Variants in KANSL1 observed in about 807,000 individuals in gnomAD.
KANSL1 encodes MLL1/MLL complex subunit KANSL1.
Under a neutral mutation model 103.6 loss-of-function variants are expected in KANSL1, and 22 were observed. That is an observed-to-expected ratio of 0.21 (90% CI 0.15 to 0.30). KANSL1 has a LOEUF of 0.30. Ranked by LOEUF, KANSL1 falls within the 10% of genes least tolerant of loss-of-function variation. KANSL1 has a pLI of 1.00. For missense variants in KANSL1, 1,337 were observed against 1,399.8 expected, an observed-to-expected ratio of 0.96 and a Z score of 0.72; for synonymous variants, 600 against 527.6, an observed-to-expected ratio of 1.14 and a Z score of -1.88.
At chr17:46,102,938 T>C (rs1478056023) in intron 2 of KANSL1, among the ~76,000 whole-genome samples, 2 of 152,170 alleles carry the variant, frequency 1.3e-5, no homozygotes, top group Admixed American at 6.5e-5. Context: ...ATATAAATAT[T>C]TAAACAGACC....
chr17:46,201,707 G>GAA (rs371243828), intron 1 of KANSL1, among the ~76,000 whole-genome samples: 47 of 137,214 alleles, frequency 3.4e-4, no homozygotes, highest in South Asian at 6.8e-4. Context: ...CCCTATCTCT[G>GAA]AAAAAAAAAA....
chr17:46,217,532 G>A (rs2048379062), intron 1 of KANSL1, among the ~76,000 whole-genome samples: 1 of 151,970 alleles, frequency 6.6e-6, no homozygotes, highest in Non-Finnish European at 1.5e-5. Flanking sequence ...GGTCATCAGA[G>A]AGGACTCTAA....
chr17:46,216,058 A>T (rs1289904119), intron 1 of KANSL1, among the ~76,000 whole-genome samples: 1 of 152,084 alleles, frequency 6.6e-6, no homozygotes, highest in Non-Finnish European at 1.5e-5. Flanking sequence ...TAATAATAAT[A>T]AAAAAATAAA....
rs1223268203 is a variant in KANSL1, at chr17:46,067,676, G to C, written c.1534-9C>G. The C allele has an allele frequency of 7.0e-7, 1 of 1,420,240 alleles. No homozygotes were observed. The highest frequency in any genetic ancestry group is 9.9e-7 in the Non-Finnish European group (1 of 1,007,730). The allele number at this position is 1,420,240 out of a possible 1,614,324, so 88.0% of individuals were successfully genotyped here. On this transcript the variant is annotated splice_polypyrimidine_tract_variant and intron_variant, in intron 4 of 14. Coordinates refer to ENST00000432791, the MANE Select transcript of KANSL1 (RefSeq NM_015443.4). ...TGAGAAACAGACTCAATCTGATTAAGAAAAAGGAAAAAAGAAATTAACATG... is the reference window on the plus strand; with the variant it reads ...TGAGAAACAGACTCAATCTGATTAACAAAAAGGAAAAAAGAAATTAACATG...
intron 3 of KANSL1, among the ~76,000 whole-genome samples, chr17:46,092,705 T>G (rs1230748914): frequency 1.9e-4 from 12 of 63,894 alleles, no homozygotes; most frequent in African/African-American, 6.1e-4. Flanking sequence ...TTGGGTTGTT[T>G]TTTTTTTTTT....
intron 3 of KANSL1, chr17:46,093,293 C>T (rs2079485951): frequency 6.6e-6 from 1 of 152,626 alleles, no homozygotes; most frequent in Non-Finnish European, 1.5e-5. Context: ...TTTGTGAAGA[C>T]TTGGGAAAGC....
upstream of KANSL1, chr17:46,193,701 A>G (rs1311850475): frequency 1.1e-5 from 3 of 279,702 alleles, no homozygotes; most frequent in Non-Finnish European, 2.2e-5. Flanking sequence ...GGCACGCAGC[A>G]CTGCGGCAGG....
upstream of KANSL1, among the ~76,000 whole-genome samples, chr17:46,224,302 G>A (rs548692098): frequency 6.6e-6 from 1 of 152,100 alleles, no homozygotes; most frequent in African/African-American, 2.4e-5. Context: ...CTTCCCCAGA[G>A]ATCGTTAAAA....
intron 1 of KANSL1, among the ~76,000 whole-genome samples, chr17:46,219,945 T>C (rs1309588145): frequency 6.6e-6 from 1 of 151,832 alleles, no homozygotes; most frequent in African/African-American, 2.4e-5. Flanking sequence ...CTACTAAAAA[T>C]ACAAAAAATT....
At chr17:46,053,042 C>CT (rs1478499790) in intron 6 of KANSL1, among the ~76,000 whole-genome samples, 1 of 127,494 alleles carries the variant, frequency 7.8e-6, no homozygotes, top group Non-Finnish European at 1.6e-5. Flanking sequence ...AATCCCAGTA[C>CT]TTTGGGAGGC....
intron 6 of KANSL1, among the ~76,000 whole-genome samples, chr17:46,062,980 G>A (rs970078397): frequency 6.6e-6 from 1 of 152,160 alleles, no homozygotes; most frequent in Non-Finnish European, 1.5e-5. Context: ...AACCCGGGAG[G>A]AGGAGGTTGC....
chr17:46,155,104 C>T (rs184718757), intron 2 of KANSL1, among the ~76,000 whole-genome samples: 2 of 151,996 alleles, frequency 1.3e-5, no homozygotes, highest in African/African-American at 2.4e-5. Context: ...GCATCCTTTC[C>T]CCCTCAAAGA....
intron 2 of KANSL1, among the ~76,000 whole-genome samples, chr17:46,165,031 TG>T (rs2045925861): frequency 6.6e-6 from 1 of 152,118 alleles, no homozygotes; most frequent in African/African-American, 2.4e-5. Context: ...CACTTGAACC[TG>T]GGAAGCAGAG....
chr17:46,187,240 CCT>C (rs746309297), intron 1 of KANSL1, among the ~76,000 whole-genome samples: 1 of 152,222 alleles, frequency 6.6e-6, no homozygotes, highest in Non-Finnish European at 1.5e-5. Flanking sequence ...AATTGTTATT[CCT>C]CTTTTTTATT....
At chr17:46,159,203 T>C (rs923740973) in intron 2 of KANSL1, among the ~76,000 whole-genome samples, 1 of 152,228 alleles carries the variant, frequency 6.6e-6, no homozygotes, top group Non-Finnish European at 1.5e-5. Context: ...CCTATGCCTA[T>C]GACAACAGCC....
At chr17:46,127,054 G>A (rs1479453480) in intron 2 of KANSL1, among the ~76,000 whole-genome samples, 1 of 152,154 alleles carries the variant, frequency 6.6e-6, no homozygotes, top group African/African-American at 2.4e-5. Flanking sequence ...TCTAATCCAA[G>A]GTCAGATGAC....
chr17:46,078,059 T>TA (rs1320832945), intron 4 of KANSL1, among the ~76,000 whole-genome samples: 2 of 152,228 alleles, frequency 1.3e-5, no homozygotes, highest in Non-Finnish European at 2.9e-5. Context: ...TAGTTAGCTT[T>TA]TCCTAAAGAG....
chr17:46,196,880 G>C (rs1287320324), upstream of KANSL1, among the ~76,000 whole-genome samples: 1 of 152,204 alleles, frequency 6.6e-6, no homozygotes, highest in African/African-American at 2.4e-5. Flanking sequence ...GCCAATGTGA[G>C]AGTATTGCTT....
intron 4 of KANSL1, 89 bp downstream of exon 4, chr17:46,082,352 C>A: frequency 1.3e-6 from 1 of 758,068 alleles, no homozygotes; most frequent in Non-Finnish European, 2.2e-6. Context: ...TCAGCCAATG[C>A]AAGGATCCTA....
Sources: gnomAD v4.1 joint callset for allele counts (sites outside exome capture counted in the v4.1 genomes callset) on GRCh38, gnomAD v4.1.1 for gene constraint, MANE v1.5 for transcripts, NCBI Gene and HGNC (gene_info 2026-07-23, HGNC 2026-07-21) for gene names.